The following EYA2 variants were observed in gnomAD, a reference collection of about 807,000 sequenced individuals.
EYA2 encodes the protein EYA transcriptional coactivator and phosphatase 2.
A neutral mutation model predicts 69.2 loss-of-function variants in EYA2; 31 were observed. The observed-to-expected ratio is 0.45, with a 90% CI of 0.34 to 0.60. The LOEUF is 0.60. Among genes scored for constraint, EYA2 ranks in the 20% least tolerant of loss-of-function variants. The pLI is 0.02. For missense variants in EYA2, 622 were observed against 701.2 expected (o/e 0.89, Z 1.28); for synonymous variants, 257 against 279.4 (o/e 0.92, Z 0.80).
At chr20:47,162,063 C>T (rs1451453788) in intron 10 of EYA2, among the ~76,000 whole-genome samples, 2 of 152,136 alleles carry the variant, frequency 1.3e-5, no homozygotes, top group East Asian at 1.9e-4. Context: ...CTGGTGGTCT[C>T]GGATGTCCTC....
chr20:47,116,708 G>A (rs1036639188), intron 9 of EYA2, among the ~76,000 whole-genome samples: 1 of 152,028 alleles, frequency 6.6e-6, no homozygotes. Flanking sequence ...CCACTCTCAC[G>A]CTCCCACTGT....
intron 9 of EYA2, among the ~76,000 whole-genome samples, chr20:47,111,980 T>C (rs1538912): frequency 0.14 from 21,281 of 151,966 alleles, 3,342 homozygotes; most frequent in East Asian, 0.43. Context: ...AAAAAATTTT[T>C]TTTTCAAAAA....
intron 2 of EYA2, among the ~76,000 whole-genome samples, chr20:47,000,871 A>G (rs998708684): frequency 2.0e-5 from 3 of 152,112 alleles, no homozygotes; most frequent in Non-Finnish European, 2.9e-5. Flanking sequence ...CCTGCACTCC[A>G]TGGACTGGAA....
chr20:47,125,154 C>T (rs1026410062), intron 9 of EYA2, among the ~76,000 whole-genome samples: 17 of 150,854 alleles, frequency 1.1e-4, no homozygotes, highest in Non-Finnish European at 2.2e-4. Context: ...CCTGGGTTCA[C>T]GCCATTCTCC....
chr20:47,084,105 G>T (rs1017747096), intron 7 of EYA2, among the ~76,000 whole-genome samples: 1 of 152,174 alleles, frequency 6.6e-6, no homozygotes, highest in Non-Finnish European at 1.5e-5. Context: ...AATTAGCTGG[G>T]TGTGGTGGCA....
At chr20:46,957,264 T>C (rs1293970682) in intron 1 of EYA2, among the ~76,000 whole-genome samples, 3 of 152,204 alleles carry the variant, frequency 2.0e-5, no homozygotes, top group African/African-American at 7.2e-5. Flanking sequence ...TTACTGCTTC[T>C]AATAGCCTAT....
chr20:46,990,811 T>A (rs987272385), intron 2 of EYA2, among the ~76,000 whole-genome samples: 2 of 152,190 alleles, frequency 1.3e-5, no homozygotes, highest in African/African-American at 4.8e-5. Flanking sequence ...GACCCCCTCG[T>A]TGTTTTTCCT....
chr20:46,925,076 C>G (rs1265984773), intron 1 of EYA2, among the ~76,000 whole-genome samples: 1 of 152,234 alleles, frequency 6.6e-6, no homozygotes, highest in South Asian at 2.1e-4. Context: ...TCACCCCAAT[C>G]TCTGCCTCTG....
chr20:46,914,105 GGAGCCGA>G lies in EYA2; in HGVS notation c.-11+19121_-11+19127del, dbSNP rs530398201. ...AGAACTCTGCAGAAGAAACCACCTA[GGAGCCGA>G]GACCTCTCCCTCGTTCCTAAAGAGC... On this transcript the variant is annotated intron_variant, in intron 1 of 15. Transcript: ENST00000327619. Among the ~76,000 whole-genome samples the G allele has an allele frequency of 1.4e-3, 217 of 152,300 alleles. 1 individual carries two copies. Among genetic ancestry groups the G allele is most frequent in the African/African-American group, 5.1e-3 (211 of 41,574 alleles).
chr20:47,124,980 C>G (rs924676853), intron 9 of EYA2, among the ~76,000 whole-genome samples: 1 of 150,234 alleles, frequency 6.7e-6, no homozygotes, highest in Non-Finnish European at 1.5e-5. Flanking sequence ...ATGATTTCAT[C>G]ATTTGTCATG....
chr20:47,089,155 C>G, intron 7 of EYA2, 84 bp from the exon 8 acceptor site: 1 of 1,523,606 alleles, frequency 6.6e-7, no homozygotes, highest in South Asian at 1.2e-5. Flanking sequence ...TGCTTTGGAG[C>G]TAGACGGTGC....
intron 8 of EYA2, among the ~76,000 whole-genome samples, chr20:47,089,936 C>T (rs546250584): frequency 1.2e-4 from 19 of 152,104 alleles, no homozygotes; most frequent in Non-Finnish European, 2.1e-4. Flanking sequence ...TAAACATTCT[C>T]GGTGGGGACT....
chr20:47,102,538 G>GT (rs372650950), intron 9 of EYA2, among the ~76,000 whole-genome samples: 17 of 152,232 alleles, frequency 1.1e-4, no homozygotes, highest in Admixed American at 4.6e-4. Flanking sequence ...ATCATTAATA[G>GT]TACCAGCCAG....
intron 1 of EYA2, among the ~76,000 whole-genome samples, chr20:46,925,230 A>G (rs1985362911): frequency 6.6e-6 from 1 of 152,274 alleles, no homozygotes; most frequent in Non-Finnish European, 1.5e-5. Flanking sequence ...AAATAAGGCC[A>G]GAGGGTGACA....
intron 12 of EYA2, among the ~76,000 whole-genome samples, chr20:47,177,312 T>C (rs1177910235): frequency 6.6e-6 from 1 of 152,004 alleles, no homozygotes; most frequent in Non-Finnish European, 1.5e-5. Flanking sequence ...GGGGCCTTCC[T>C]GTCTTGCCCA....
chr20:47,052,071 A>G (rs938316283), intron 5 of EYA2, among the ~76,000 whole-genome samples: 2 of 152,088 alleles, frequency 1.3e-5, no homozygotes, highest in Admixed American at 1.3e-4. Context: ...CCCAGAAATT[A>G]TTTCTTGAGA....
rs150472163 is a variant in EYA2, at chr20:46,991,087, A to G, written c.109+968A>G. Among the ~76,000 whole-genome samples the G allele has an allele frequency of 8.9e-3, 1,352 of 152,312 alleles. 12 individuals are homozygous for G. The highest frequency in any genetic ancestry group is 0.065 in the Middle Eastern group (19 of 294). ...ACTGGATGGTGAAGAACATACCCTC[A>G]TTCTTCCTGGCACTTTGGACCATTC... On this transcript the variant is annotated intron_variant, in intron 2 of 15. Transcript: ENST00000327619.
chr20:46,909,937 T>C (rs1440673860), intron 1 of EYA2, among the ~76,000 whole-genome samples: 2 of 152,200 alleles, frequency 1.3e-5, no homozygotes, highest in East Asian at 3.8e-4. Context: ...ACTAGGTCAG[T>C]ATTTTTAAGA....
chr20:46,986,429 TATATA>T (rs1184942231), intron 1 of EYA2, among the ~76,000 whole-genome samples: 13 of 147,134 alleles, frequency 8.8e-5, no homozygotes, highest in African/African-American at 2.5e-4. Flanking sequence ...ATATATATAA[TATATA>T]ATATATCTAA....
Sources: allele counts gnomAD v4.1 joint callset (sites outside exome capture counted in the v4.1 genomes callset), GRCh38; gene constraint gnomAD v4.1.1; transcripts MANE v1.5; gene names NCBI Gene and HGNC (gene_info 2026-07-23, HGNC 2026-07-21).